LRRC47: variants seen among roughly 807,000 people sequenced by gnomAD.
LRRC47 encodes the protein leucine-rich repeat-containing protein 47.
LRRC47 carries 31 observed loss-of-function variants against 40.9 expected under a neutral mutation model. The ratio of observed to expected loss-of-function variants is 0.76; its 90% CI spans 0.57 to 1.02. The LOEUF (loss-of-function observed/expected upper bound fraction) is 1.02, where lower values mean the gene tolerates loss of function less well. Ranked by LOEUF, LRRC47 falls within the 50% of genes least tolerant of loss-of-function variation. LRRC47 has a pLI of 0.00. For synonymous variants in LRRC47, 427 were observed against 371.9 expected (o/e 1.15, Z -1.70); for missense variants, 726 against 796.1 (o/e 0.91, Z 1.06).
rs1483684533 is a variant in LRRC47, at chr1:3,796,030, C to T, written c.447G>A (p.Ala149=). 3.2e-6 allele frequency: 5 copies of T among 1,545,344 alleles called. No homozygotes were observed. The highest frequency in any genetic ancestry group is 4.4e-6 in the Non-Finnish European group (5 of 1,147,640). The change falls in exon 1 of 7, where the codon GCG becomes GCA. Residue 149 remains alanine, a synonymous_variant. Transcript: ENST00000378251. ...GGCTCTGCAGGCGCGGGGCGCAGCG[C>T]GCCAGGTCGGCTGGCAGCTCGCGCA... is the stretch of plus-strand genomic sequence containing the variant. ...NRLRELPADL[A]RCAPRLQSLN...
chr1:3,783,998 G>C lies in LRRC47; in HGVS notation c.1308C>G (p.His436Gln). Residue 436 changes from histidine to glutamine, a missense_variant and splice_region_variant, in exon 4 of 7, where the codon CAC (histidine) becomes CAG (glutamine). Physicochemically the swap from His to Gln is conservative, Grantham distance 24 (BLOSUM62 0). Coordinates refer to ENST00000378251, the MANE Select transcript of LRRC47 (RefSeq NM_020710.3). ...ACCCCACCAGGCACGCTGCCCACCT[G>C]TGCAGGCCCGACACACTCTGCCGCT... is the stretch of plus-strand genomic sequence containing the variant. The part of the protein sequence containing the change: ...QKKRQSVSGL[H>Q]RYLHLLDGNE... 1 of 1,605,140 alleles carries C rather than the reference G, an allele frequency of 6.2e-7. No homozygotes were observed. Among genetic ancestry groups the C allele is most frequent in the African/African-American group, 1.3e-5 (1 of 74,940 alleles).
chr1:3,786,496 T>TAA (rs112460309), intron 2 of LRRC47, among the ~76,000 whole-genome samples: 3 of 145,594 alleles, frequency 2.1e-5, no homozygotes, highest in African/African-American at 7.5e-5. Context: ...CGAGACTCCT[T>TAA]AAAAAAAAAA....
chr1:3,792,745 C>G (rs1056558980), intron 1 of LRRC47, among the ~76,000 whole-genome samples: 2 of 152,218 alleles, frequency 1.3e-5, no homozygotes, highest in Admixed American at 6.5e-5. Flanking sequence ...AAGCGTGGGC[C>G]TGGCCCACAA....
intron 1 of LRRC47, among the ~76,000 whole-genome samples, chr1:3,791,314 C>A (rs1181500192): frequency 6.6e-6 from 1 of 152,262 alleles, no homozygotes; most frequent in Non-Finnish European, 1.5e-5. Context: ...CCTCCCCCAT[C>A]TCTTTCCCTC....
chr1:3,786,217 G>A lies in LRRC47; in HGVS notation c.1077+632C>T, dbSNP rs114207989. On this transcript the variant is annotated intron_variant, in intron 2 of 6. Coordinates refer to ENST00000378251, the MANE Select transcript of LRRC47 (RefSeq NM_020710.3). The stretch of plus-strand genomic sequence containing the variant: ...TAAAGCTATCCAGAAATTAGGATAG[G>A]CCAGGTGTGGTGGCTGACACCCGTA... Among the ~76,000 whole-genome samples the A allele has an allele frequency of 2.6e-3, 403 of 152,312 alleles. 1 individual carries two copies. The highest frequency in any genetic ancestry group is 3.8e-3 in the Non-Finnish European group (259 of 68,028).
At chr1:3,782,810 A>C (rs754049691) in intron 4 of LRRC47, 47 bp from the exon 5 acceptor site, 2 of 1,168,844 alleles carry the variant, frequency 1.7e-6, no homozygotes, top group Non-Finnish European at 2.6e-6. Context: ...TAAAAGAAAC[A>C]CTGTGCTGGG....
chr1:3,784,169 G>A (rs1643548505), intron 3 of LRRC47, 58 bp from the exon 4 acceptor site: 13 of 1,457,096 alleles, frequency 8.9e-6, no homozygotes, highest in East Asian at 4.9e-5. Flanking sequence ...CTCGCCCATC[G>A]TGTCGATTAC....
rs534994614 is a variant in LRRC47, at chr1:3,781,521, G to A, written c.1494C>T (p.Ala498=). The change falls in exon 6 of 7, where the codon GCC becomes GCT. Residue 498 remains alanine, a synonymous_variant. Transcript: ENST00000378251. Reference sequence around the variant, plus strand: ...GCCACCCCACACTCACCAGAATGAGGGCATCCATGACATCCTTGCAAATCT... The same window carrying A: ...GCCACCCCACACTCACCAGAATGAGAGCATCCATGACATCCTTGCAAATCT... ...SLQICKDVMD[A]LILKMAEMKK... 154 of 1,613,572 alleles carry A rather than the reference G, an allele frequency of 9.5e-5. No homozygotes were observed. The highest frequency in any genetic ancestry group is 1.3e-4 in the Non-Finnish European group (149 of 1,179,836).
chr1:3,790,334 T>C (rs1042184783), intron 1 of LRRC47, among the ~76,000 whole-genome samples: 62 of 152,226 alleles, frequency 4.1e-4, no homozygotes, highest in Non-Finnish European at 6.6e-4. Context: ...AGGGTTCACA[T>C]TGAGGCTGAA....
rs1045133130 is a variant in LRRC47 at position 3,787,301 on chromosome 1, G to C, written c.625C>G (p.Leu209Val). 6.2e-6 allele frequency: 10 copies of C among 1,609,982 alleles called. No individual in the cohort carries two copies. In the Admixed American group the frequency reaches 1.3e-4, roughly 22 times the overall value. Residue 209 changes from leucine to valine, a missense_variant, in exon 2 of 7, where the codon CTC becomes GTC. Transcript: ENST00000378251. ...AHLASLKTLD[L>V]SNNQLSEIPA... is the part of the protein sequence containing the mutation. ...ATCTCGCTCAGCTGGTTGTTCGAGA[G>C]GTCCAACGTCTGCAAAGAGAAACAT... is the stretch of plus-strand genomic sequence containing the variant.
chr1:3,792,822 A>T (rs1643639995), intron 1 of LRRC47, among the ~76,000 whole-genome samples: 1 of 152,224 alleles, frequency 6.6e-6, no homozygotes, highest in Non-Finnish European at 1.5e-5. Flanking sequence ...AACTGACTGG[A>T]CACTTACATG....
At chr1:3,785,838 CA>C (rs954693634) in intron 2 of LRRC47, among the ~76,000 whole-genome samples, 1 of 148,906 alleles carries the variant, frequency 6.7e-6, no homozygotes, top group African/African-American at 2.5e-5. Context: ...GAAAACCCAC[CA>C]AAATATCAAA....
chr1:3,786,101 C>T (rs577918509), intron 2 of LRRC47, among the ~76,000 whole-genome samples: 1 of 152,186 alleles, frequency 6.6e-6, no homozygotes, highest in African/African-American at 2.4e-5. Flanking sequence ...AACTCCTGAC[C>T]TCAGGTGATG....
chr1:3,788,357 A>G (rs1488620173), intron 1 of LRRC47, among the ~76,000 whole-genome samples: 1 of 152,206 alleles, frequency 6.6e-6, no homozygotes, highest in Non-Finnish European at 1.5e-5. Flanking sequence ...GATCTCTGGC[A>G]GCCTCGGTGC....
Position 3,783,863 on chromosome 1 carries a change from T to C in LRRC47, c.1310+133A>G, listed in dbSNP as rs1385731818. On this transcript the variant is annotated intron_variant, in intron 4 of 6. Coordinates refer to ENST00000378251, the MANE Select transcript of LRRC47 (RefSeq NM_020710.3). ...TCTCCTTTGGAAAGAGAATGCTTTC[T>C]TTGTACCCTGTTAAGAAGCTTCTGG... The C allele has an allele frequency of 1.7e-5, 12 of 689,720 alleles. No individual in the cohort carries two copies. The East Asian group carries it at 3.3e-4, about 19-fold the overall frequency. The allele number at this position is 689,720 out of a possible 1,614,324, so 42.7% of individuals were successfully genotyped here.
intron 1 of LRRC47, among the ~76,000 whole-genome samples, chr1:3,794,064 G>A (rs1389865114): frequency 4.6e-5 from 7 of 152,016 alleles, no homozygotes; most frequent in East Asian, 3.9e-4. Context: ...GTGTTGTGGC[G>A]GGCGCTTGTA....
Position 3,779,218 on chromosome 1 carries a change from C to A in LRRC47, c.*1870G>T, listed in dbSNP as rs941664501. Reference sequence around the variant, plus strand: ...TGTCCTGCAAGGCTCTGAAGAGCCACCCAGCTGTTAGTCTGCCCACTGCAC... The same window carrying A: ...TGTCCTGCAAGGCTCTGAAGAGCCAACCAGCTGTTAGTCTGCCCACTGCAC... On this transcript the variant is annotated 3_prime_UTR_variant, in exon 7 of 7. Transcript: ENST00000378251. 6.6e-6 allele frequency: 1 copy of A among 152,262 alleles called. No homozygotes were observed. The highest frequency in any genetic ancestry group is 6.5e-5 in the Admixed American group (1 of 15,290). 9.4% of individuals were successfully genotyped at this position (152,262 alleles called of 1,614,324 possible).
chr1:3,787,320 G>C lies in LRRC47; in HGVS notation c.616-10C>G. Reference sequence around the variant, plus strand: ...TCGAGAGGTCCAACGTCTGCAAAGAGAAACATGGACGCGTCAGACGCCCGG... The same window carrying C: ...TCGAGAGGTCCAACGTCTGCAAAGACAAACATGGACGCGTCAGACGCCCGG... On this transcript the variant is annotated splice_polypyrimidine_tract_variant and intron_variant, in intron 1 of 6. Coordinates refer to ENST00000378251, the MANE Select transcript of LRRC47 (RefSeq NM_020710.3). The C allele has an allele frequency of 6.2e-7, 1 of 1,604,370 alleles. No individual in the cohort carries two copies. The highest frequency in any genetic ancestry group is 1.1e-5 in the South Asian group (1 of 90,810).
Position 3,779,050 on chromosome 1 carries a change from C to T in LRRC47, c.*2038G>A, listed in dbSNP as rs1188659633. On this transcript the variant is annotated 3_prime_UTR_variant, in exon 7 of 7. Coordinates refer to ENST00000378251, the MANE Select transcript of LRRC47 (RefSeq NM_020710.3). ...GGAGGACACAAGGCAAGGCAGTCAT[C>T]TGACACACCCACGGCAGTCCAGCTG... The T allele has an allele frequency of 6.6e-6, 1 of 152,514 alleles. No individual in the cohort carries two copies. Among genetic ancestry groups the T allele is most frequent in the East Asian group, 1.9e-4 (1 of 5,176 alleles). 9.4% of individuals were successfully genotyped at this position (152,514 alleles called of 1,614,324 possible).
Sources: gnomAD v4.1 joint callset for allele counts (sites outside exome capture counted in the v4.1 genomes callset) on GRCh38, gnomAD v4.1.1 for gene constraint, MANE v1.5 for transcripts, NCBI Gene and HGNC (gene_info 2026-07-23, HGNC 2026-07-21) for gene names.